PCDHA5: variants seen among roughly 807,000 people sequenced by gnomAD.
PCDHA5 encodes protocadherin alpha 5.
Under a neutral mutation model 61.6 loss-of-function variants are expected in PCDHA5, and 43 were observed. The ratio of observed to expected loss-of-function variants is 0.70; its 90% CI spans 0.55 to 0.90. The LOEUF is 0.90. Among genes scored for constraint, PCDHA5 ranks in the 40% least tolerant of loss-of-function variants. PCDHA5 has a pLI of 0.00. For synonymous variants in PCDHA5, 627 were observed against 543.9 expected, an observed-to-expected ratio of 1.15 and a Z score of -2.13; for missense variants, 1,298 against 1,222.7, an observed-to-expected ratio of 1.06 and a Z score of -0.92.
intron 3 of PCDHA5, among the ~76,000 whole-genome samples, chr5:140,990,141 C>A (rs2097376222): frequency 6.6e-6 from 1 of 151,818 alleles, no homozygotes; most frequent in African/African-American, 2.4e-5. Flanking sequence ...ACTCAAGAGG[C>A]ATAATAATAG....
chr5:140,943,321 G>A (rs1012061757), intron 1 of PCDHA5, among the ~76,000 whole-genome samples: 4 of 150,454 alleles, frequency 2.7e-5, no homozygotes, highest in Non-Finnish European at 5.9e-5. Context: ...TAGCAATATT[G>A]TGTAGTATCC....
At chr5:140,830,019 C>T (rs2150179652) in intron 1 of PCDHA5, 3 of 1,613,890 alleles carry the variant, frequency 1.9e-6, no homozygotes, top group Admixed American at 1.7e-5. Flanking sequence ...GCGGACTCTC[C>T]GCGCCACCGG....
At chr5:140,949,975 A>AT (rs2153688056) in intron 1 of PCDHA5, among the ~76,000 whole-genome samples, 1 of 152,044 alleles carries the variant, frequency 6.6e-6, no homozygotes, top group South Asian at 2.1e-4. Flanking sequence ...TACAGCATAC[A>AT]TACTTAACTT....
intron 1 of PCDHA5, among the ~76,000 whole-genome samples, chr5:140,832,629 T>G (rs1394763115): frequency 3.9e-5 from 6 of 152,122 alleles, no homozygotes; most frequent in Non-Finnish European, 8.8e-5. Context: ...TTTTAAAAAG[T>G]TCCTAGGAGG....
At chr5:140,870,622 G>C (rs377101052) in intron 1 of PCDHA5, 4 of 1,613,124 alleles carry the variant, frequency 2.5e-6, no homozygotes, top group Non-Finnish European at 3.4e-6. Flanking sequence ...GTCGAGCTAC[G>C]TGTCGGTGCA....
intron 1 of PCDHA5, among the ~76,000 whole-genome samples, chr5:140,941,255 C>CTTTCTTTCTCTT (rs782490896): frequency 9.0e-5 from 4 of 44,506 alleles, no homozygotes; most frequent in Non-Finnish European, 1.5e-4. Flanking sequence ...TTCTTTCTTT[C>CTTTCTTTCTCTT]TCTTTCTTTC....
intron 1 of PCDHA5, chr5:140,866,107 G>T (rs2049153150): frequency 6.6e-6 from 1 of 152,146 alleles, no homozygotes; most frequent in African/African-American, 2.4e-5. Flanking sequence ...GTAATTAAGA[G>T]TTGCCTTATA....
chr5:140,978,044 G>A (rs1205342779), intron 1 of PCDHA5, among the ~76,000 whole-genome samples: 1 of 152,140 alleles, frequency 6.6e-6, no homozygotes, highest in Non-Finnish European at 1.5e-5. Flanking sequence ...GACAGTGATG[G>A]TGACTGATGA....
chr5:140,879,744 A>T (rs1356373675), intron 1 of PCDHA5, among the ~76,000 whole-genome samples: 1 of 152,212 alleles, frequency 6.6e-6, no homozygotes, highest in Admixed American at 6.5e-5. Flanking sequence ...AGGTGTTGTC[A>T]AGGCTATACT....
At chr5:140,881,461 C>T (rs1428843491) in intron 1 of PCDHA5, 1 of 635,408 alleles carries the variant, frequency 1.6e-6, no homozygotes, top group Non-Finnish European at 2.0e-6. Context: ...AACCTTAGAG[C>T]ATTGTTGTGG....
At chr5:140,898,235 T>G (rs1386232934) in intron 1 of PCDHA5, among the ~76,000 whole-genome samples, 1 of 152,220 alleles carries the variant, frequency 6.6e-6, no homozygotes, top group Non-Finnish European at 1.5e-5. Flanking sequence ...TGCCATTGCT[T>G]TTGGTGTTTT....
At chr5:140,968,626 T>C in intron 1 of PCDHA5, 1 of 1,614,156 alleles carries the variant, frequency 6.2e-7, no homozygotes. Context: ...ATGCTTGGCT[T>C]TTTTACCATC....
intron 1 of PCDHA5, chr5:140,867,978 C>T (rs1283630691): frequency 6.6e-6 from 1 of 152,064 alleles, no homozygotes; most frequent in East Asian, 1.9e-4. Flanking sequence ...CAACAAGAAA[C>T]AAACTATTTT....
chr5:140,852,702 A>G, intron 1 of PCDHA5: 1 of 977,718 alleles, frequency 1.0e-6, no homozygotes, highest in Non-Finnish European at 1.2e-6. Context: ...ACTTTCAAGT[A>G]TCTTTGTCTT....
Position 140,830,193 on chromosome 5 carries a change from T to C in PCDHA5, c.2352+6066T>C, listed in dbSNP as rs1770885787. ...CTGGTGGATGTCAACGTGTACCTGA[T>C]CATCGCCATCTGCGCGGTATCCAGC... is the stretch of plus-strand genomic sequence containing the variant. On this transcript the variant is annotated intron_variant, in intron 1 of 3. Transcript: ENST00000529859. The C allele has an allele frequency of 2.5e-6, 4 of 1,613,664 alleles. No homozygotes were observed. In the African/African-American group the frequency reaches 5.3e-5, roughly 22 times the overall value.
chr5:140,841,654 C>T lies in PCDHA5; in HGVS notation c.2352+17527C>T, dbSNP rs1270188852. ...GCATCCACCTGGAGGTGATCGTGGA[C>T]AGGCCGCTGCAGGTTTTCCATGTGG... On this transcript the variant is annotated intron_variant, in intron 1 of 3. Transcript: ENST00000529859. 3 of 1,613,998 alleles carry T rather than the reference C, an allele frequency of 1.9e-6. No homozygotes were observed. In the African/African-American group the frequency reaches 4.0e-5, roughly 22 times the overall value.
rs146195620 is a variant in PCDHA5, at chr5:140,842,865, G to A, written c.2352+18738G>A. The A allele has an allele frequency of 1.3e-6, 2 of 1,593,868 alleles. 1 individual carries two copies. The highest frequency in any genetic ancestry group is 1.7e-6 in the Non-Finnish European group (2 of 1,165,400). ...TACATTTCGGTGCACACGGAGAGCGGCAAGGTGTACGCGCTGCAGCCGCTG... is the reference window on the plus strand; with the variant it reads ...TACATTTCGGTGCACACGGAGAGCGACAAGGTGTACGCGCTGCAGCCGCTG... On this transcript the variant is annotated intron_variant, in intron 1 of 3. Coordinates refer to ENST00000529859, the MANE Select transcript of PCDHA5 (RefSeq NM_018908.3).
intron 1 of PCDHA5, among the ~76,000 whole-genome samples, chr5:140,906,640 G>A (rs1465278194): frequency 6.6e-6 from 1 of 152,210 alleles, no homozygotes; most frequent in African/African-American, 2.4e-5. Context: ...ACCTCAGCAG[G>A]TAGTGGTTTT....
At chr5:140,889,456 T>A (rs1328565593) in intron 1 of PCDHA5, among the ~76,000 whole-genome samples, 1 of 152,126 alleles carries the variant, frequency 6.6e-6, no homozygotes, top group Admixed American at 6.5e-5. Flanking sequence ...TTAATCTAAA[T>A]TTTCAGTTAT....
Sources: gnomAD v4.1 joint callset for allele counts (sites outside exome capture counted in the v4.1 genomes callset) on GRCh38, gnomAD v4.1.1 for gene constraint, MANE v1.5 for transcripts, NCBI Gene and HGNC (gene_info 2026-07-23, HGNC 2026-07-21) for gene names.